ESRP1: variants seen among roughly 807,000 people sequenced by gnomAD.
ESRP1 encodes RNA-binding motif protein 35A.
In ESRP1, 33 loss-of-function variants were observed where a neutral mutation model predicts 81.7. That is an observed-to-expected ratio of 0.40 (90% CI 0.31 to 0.54). ESRP1 has a LOEUF of 0.54. ESRP1 is among the 20% of genes least tolerant of loss of function. ESRP1 has a pLI of 0.41. For synonymous variants in ESRP1, 320 were observed against 303.3 expected (o/e 1.06, Z -0.57); for missense variants, 672 against 833.1 (o/e 0.81, Z 2.38).
chr8:94,672,964 C>G (rs1819406559), intron 11 of ESRP1, among the ~76,000 whole-genome samples: 2 of 152,240 alleles, frequency 1.3e-5, no homozygotes, highest in South Asian at 4.1e-4. Flanking sequence ...CACCTTTTCA[C>G]TTGGAGATTT....
intron 6 of ESRP1, 132 bp from the exon 7 acceptor site, chr8:94,664,565 A>G (rs1818922759): frequency 4.5e-6 from 3 of 659,908 alleles, no homozygotes; most frequent in South Asian, 1.9e-5. Flanking sequence ...AAGGAAAATC[A>G]AGTAGTATTG....
At chr8:94,682,479 G>A (rs564515694) in intron 13 of ESRP1, among the ~76,000 whole-genome samples, 1 of 151,986 alleles carries the variant, frequency 6.6e-6, no homozygotes, top group Admixed American at 6.6e-5. Flanking sequence ...CGATCCTCAC[G>A]CCTCAGTCTC....
intron 14 of ESRP1, among the ~76,000 whole-genome samples, chr8:94,694,861 T>C (rs1010111253): frequency 6.6e-6 from 1 of 152,194 alleles, no homozygotes. Flanking sequence ...ATTTCTGAAG[T>C]GCTTGGAATT....
chr8:94,677,930 T>G (rs933932365), intron 12 of ESRP1, among the ~76,000 whole-genome samples: 2 of 152,220 alleles, frequency 1.3e-5, no homozygotes, highest in African/African-American at 4.8e-5. Context: ...AAAAATTACA[T>G]ATTGTGAAAT....
At chr8:94,657,411 A>T (rs1197029810) in intron 4 of ESRP1, among the ~76,000 whole-genome samples, 1 of 150,784 alleles carries the variant, frequency 6.6e-6, no homozygotes, top group African/African-American at 2.4e-5. Flanking sequence ...CCTCTCTGTT[A>T]CTCGTTTTCA....
At chr8:94,684,843 C>G (rs2130690669) in intron 13 of ESRP1, among the ~76,000 whole-genome samples, 1 of 152,046 alleles carries the variant, frequency 6.6e-6, no homozygotes, top group South Asian at 2.1e-4. Flanking sequence ...ATCGCTGGAG[C>G]CCAGGAGTTC....
At chr8:94,643,524 A>G in intron 3 of ESRP1, 108 bp downstream of exon 3, 1 of 644,676 alleles carries the variant, frequency 1.6e-6, no homozygotes, top group Admixed American at 2.7e-5. Flanking sequence ...AAAGATGCAT[A>G]TAGGGAGTTA....
chr8:94,647,122 TGTGTTA>T (rs1235322220), intron 4 of ESRP1, among the ~76,000 whole-genome samples: 9 of 152,242 alleles, frequency 5.9e-5, no homozygotes, highest in African/African-American at 2.2e-4. Flanking sequence ...ACCTGGTTTT[TGTGTTA>T]CTTCACGATT....
At chr8:94,655,531 A>T (rs1818363749) in intron 4 of ESRP1, among the ~76,000 whole-genome samples, 1 of 151,782 alleles carries the variant, frequency 6.6e-6, no homozygotes, top group African/African-American at 2.4e-5. Context: ...TCTTATGGTG[A>T]CATTTTTTGT....
chr8:94,698,357 C>T (rs1809687372), intron 15 of ESRP1, among the ~76,000 whole-genome samples: 1 of 152,110 alleles, frequency 6.6e-6, no homozygotes, highest in Non-Finnish European at 1.5e-5. Flanking sequence ...CTGATTTGTC[C>T]TTCGGTAACT....
intron 4 of ESRP1, among the ~76,000 whole-genome samples, chr8:94,650,273 A>G (rs1360293595): frequency 7.2e-6 from 1 of 139,162 alleles, no homozygotes; most frequent in Non-Finnish European, 1.6e-5. Flanking sequence ...GTTTTTTTTT[A>G]CCTGCTACCT....
intron 13 of ESRP1, among the ~76,000 whole-genome samples, chr8:94,688,034 G>A (rs1017317073): frequency 6.6e-6 from 1 of 152,018 alleles, no homozygotes; most frequent in Non-Finnish European, 1.5e-5. Context: ...GGTATAATTC[G>A]ATCTGAGTTC....
rs1810066334 is a variant in ESRP1 at position 94,706,248 on chromosome 8, A to G, written c.*359A>G. On this transcript the variant is annotated 3_prime_UTR_variant, in exon 16 of 16. Coordinates refer to ENST00000433389, the MANE Select transcript of ESRP1 (RefSeq NM_017697.4). Reference sequence around the variant, plus strand: ...TTCCTAAGTTTTAAGTCTTGGATAAAAACTCCACCAGTGTCTACCATCTCC... The same window carrying G: ...TTCCTAAGTTTTAAGTCTTGGATAAGAACTCCACCAGTGTCTACCATCTCC... 1 of 325,064 alleles carries G rather than the reference A, an allele frequency of 3.1e-6. No individual in the cohort carries two copies. The highest frequency in any genetic ancestry group is 5.6e-5 in the East Asian group (1 of 17,864). 20.1% of individuals were successfully genotyped at this position (325,064 alleles called of 1,614,324 possible).
chr8:94,700,984 T>TGTGTGTG (rs1491584337), intron 15 of ESRP1, among the ~76,000 whole-genome samples: 2 of 138,836 alleles, frequency 1.4e-5, no homozygotes, highest in African/African-American at 5.6e-5. Context: ...TGTGTGTGTG[T>TGTGTGTG]TAAGAGGGCC....
intron 4 of ESRP1, among the ~76,000 whole-genome samples, chr8:94,660,709 C>CAAAAA (rs60316449): frequency 6.0e-4 from 26 of 43,540 alleles, no homozygotes; most frequent in South Asian, 1.3e-3. Flanking sequence ...GAGACTATCT[C>CAAAAA]AAAAAAAAAA....
chr8:94,683,762 CA>C (rs1467397775), intron 13 of ESRP1, among the ~76,000 whole-genome samples: 4 of 152,088 alleles, frequency 2.6e-5, no homozygotes, highest in African/African-American at 9.7e-5. Context: ...TTATGATTAT[CA>C]GGTTTTTTAG....
chr8:94,648,441 TAC>T lies in ESRP1; in HGVS notation c.490+2160_490+2161del, dbSNP rs1817947785. Among the ~76,000 whole-genome samples the T allele has an allele frequency of 2.6e-5, 4 of 152,382 alleles. No homozygotes were observed. In the South Asian group the frequency reaches 8.3e-4, roughly 32 times the overall value. On this transcript the variant is annotated intron_variant, in intron 4 of 15. Coordinates refer to ENST00000433389, the MANE Select transcript of ESRP1 (RefSeq NM_017697.4). Reference sequence around the variant, plus strand: ...GGAATACTTATTTCCCTGTCTAGGCTACCAGACCAATTTCTGAGGCTAAAAGC... The same window carrying T: ...GGAATACTTATTTCCCTGTCTAGGCTCAGACCAATTTCTGAGGCTAAAAGC...
At chr8:94,660,745 CAAAA>C (rs1395324636) in intron 4 of ESRP1, among the ~76,000 whole-genome samples, 1 of 73,908 alleles carries the variant, frequency 1.4e-5, no homozygotes, top group Non-Finnish European at 2.9e-5. Flanking sequence ...AAAAAAAAAC[CAAAA>C]CAAACAAACA....
At chr8:94,648,276 C>T (rs1307637834) in intron 4 of ESRP1, among the ~76,000 whole-genome samples, 1 of 152,104 alleles carries the variant, frequency 6.6e-6, no homozygotes, top group African/African-American at 2.4e-5. Context: ...GGATTTTATT[C>T]TTAAATGTTT....
Sources: gnomAD v4.1 joint callset for allele counts (sites outside exome capture counted in the v4.1 genomes callset) on GRCh38, gnomAD v4.1.1 for gene constraint, MANE v1.5 for transcripts, NCBI Gene and HGNC (gene_info 2026-07-23, HGNC 2026-07-21) for gene names.